Variants in CACNB2 observed in about 807,000 individuals in gnomAD.
CACNB2 encodes the protein calcium voltage-gated channel auxiliary subunit beta 2, also known as voltage-dependent L-type calcium channel subunit beta-2.
CACNB2 carries 42 observed loss-of-function variants against 73.3 expected under a neutral mutation model. The ratio of observed to expected loss-of-function variants is 0.57; its 90% confidence interval spans 0.45 to 0.74. The LOEUF is 0.74. CACNB2 is among the 30% of genes least tolerant of loss of function. The pLI is 0.00. For synonymous variants in CACNB2, 348 were observed against 310.3 expected (o/e 1.12, Z -1.28); for missense variants, 940 against 853.0 (o/e 1.10, Z -1.27).
intron 3 of CACNB2, among the ~76,000 whole-genome samples, chr10:18,471,388 G>T (rs1414457226): frequency 6.6e-6 from 1 of 152,108 alleles, no homozygotes; most frequent in African/African-American, 2.4e-5. Flanking sequence ...TTAAAATTAA[G>T]AAATTATTTG....
intron 2 of CACNB2, among the ~76,000 whole-genome samples, chr10:18,182,518 T>C (rs1021836249): frequency 2.9e-5 from 4 of 136,482 alleles, no homozygotes; most frequent in Non-Finnish European, 6.4e-5. Context: ...AGGAAGAAGA[T>C]TAAAAAAAAA....
At chr10:18,534,610 A>C (rs1359426444) in intron 11 of CACNB2, among the ~76,000 whole-genome samples, 1 of 152,280 alleles carries the variant, frequency 6.6e-6, no homozygotes, top group Non-Finnish European at 1.5e-5. Flanking sequence ...ACCAGCAGTT[A>C]CTGTATTCAC....
intron 2 of CACNB2, among the ~76,000 whole-genome samples, chr10:18,179,663 T>G (rs1364604341): frequency 6.6e-6 from 1 of 152,204 alleles, no homozygotes; most frequent in African/African-American, 2.4e-5. Context: ...CTGTGTGCTT[T>G]AGTTTGGTGT....
chr10:18,529,997 G>A (rs1405527546), intron 10 of CACNB2, among the ~76,000 whole-genome samples: 4 of 152,194 alleles, frequency 2.6e-5, no homozygotes, highest in Non-Finnish European at 2.9e-5. Context: ...TTACATGGCA[G>A]CAGGCAAGAG....
chr10:18,193,222 ATAAAT>A (rs2034481131), intron 2 of CACNB2, among the ~76,000 whole-genome samples: 1 of 151,010 alleles, frequency 6.6e-6, no homozygotes, highest in South Asian at 2.1e-4. Flanking sequence ...GAAATATATA[ATAAAT>A]TATATAATAA....
At chr10:18,174,817 C>T (rs988578532) in intron 2 of CACNB2, among the ~76,000 whole-genome samples, 11 of 152,052 alleles carry the variant, frequency 7.2e-5, no homozygotes, top group Non-Finnish European at 1.0e-4. Flanking sequence ...AAATACAATT[C>T]AGATTTCTAG....
At chr10:18,301,772 C>T (rs1288418709) in intron 2 of CACNB2, among the ~76,000 whole-genome samples, 2 of 151,882 alleles carry the variant, frequency 1.3e-5, no homozygotes, top group African/African-American at 2.4e-5. Flanking sequence ...CCTCAGCCTC[C>T]CGAGTAGCTG....
rs370201485 is a variant in CACNB2, at chr10:18,171,521, G to GAAAAAA, written c.213+20569_213+20574dup. ...TCCCTTCTTCCCGGCTTTGATAGCAGAAAAAAAAAAAAAAAAAAAAAAAAA... is the reference window on the plus strand; with the variant it reads ...TCCCTTCTTCCCGGCTTTGATAGCAGAAAAAAAAAAAAAAAAAAAAAAAAAAAAAAA... On this transcript the variant is annotated intron_variant, in intron 2 of 13. Coordinates refer to ENST00000324631, the MANE Select transcript of CACNB2 (RefSeq NM_201596.3). 1.4e-3 allele frequency among the ~76,000 whole-genome samples: 46 copies of GAAAAAA among 32,588 alleles called. 11 individuals carry two copies. The highest frequency in any genetic ancestry group is 3.6e-3 in the South Asian group (2 of 558). 21.4% of individuals were successfully genotyped at this position (32,588 alleles called of 152,430 possible). A position where few individuals can be genotyped will look rare whatever the true frequency, so the allele number is the denominator to read the frequency against.
chr10:18,280,779 A>G (rs574479081), intron 2 of CACNB2, among the ~76,000 whole-genome samples: 9 of 152,222 alleles, frequency 5.9e-5, no homozygotes, highest in Non-Finnish European at 1.3e-4. Flanking sequence ...TTTCTCTTAC[A>G]AAACAGAAAT....
chr10:18,148,128 G>T (rs1298873881), intron 1 of CACNB2, among the ~76,000 whole-genome samples: 1 of 151,846 alleles, frequency 6.6e-6, no homozygotes, highest in Non-Finnish European at 1.5e-5. Context: ...AGAAATTCCT[G>T]TGGAAATTAG....
intron 3 of CACNB2, among the ~76,000 whole-genome samples, chr10:18,414,109 C>T (rs1382589339): frequency 6.6e-6 from 1 of 152,220 alleles, no homozygotes; most frequent in Admixed American, 6.5e-5. Flanking sequence ...ATATGACTGG[C>T]ATTGACACAC....
chr10:18,201,993 T>A (rs1277759), intron 2 of CACNB2, among the ~76,000 whole-genome samples: 2 of 151,826 alleles, frequency 1.3e-5, no homozygotes, highest in African/African-American at 4.8e-5. Context: ...TCTTTCATTA[T>A]GTAGCCAGGA....
At chr10:18,506,588 C>A in intron 6 of CACNB2, 41 bp downstream of exon 6, 1 of 1,196,756 alleles carries the variant, frequency 8.4e-7, no homozygotes, top group Non-Finnish European at 1.2e-6. Context: ...TACTGCATTT[C>A]ATGCTTTCCC....
intron 2 of CACNB2, among the ~76,000 whole-genome samples, chr10:18,189,212 A>T (rs78903615): frequency 0.015 from 2,305 of 152,236 alleles, 52 homozygotes; most frequent in African/African-American, 0.052. Context: ...CTAATTTCAT[A>T]ATTTCAGTTG....
chr10:18,257,376 CCTA>C (rs1406376248), intron 2 of CACNB2: 1 of 152,130 alleles, frequency 6.6e-6, no homozygotes, highest in Non-Finnish European at 1.5e-5. Flanking sequence ...CTTTGTGATA[CCTA>C]CTATGTTTCA....
At chr10:18,174,866 G>A (rs2033487760) in intron 2 of CACNB2, among the ~76,000 whole-genome samples, 1 of 152,038 alleles carries the variant, frequency 6.6e-6, no homozygotes, top group African/African-American at 2.4e-5. Flanking sequence ...TAAAAAAAAT[G>A]TTTAAAATAC....
chr10:18,383,373 G>C (rs1259111333), intron 2 of CACNB2, among the ~76,000 whole-genome samples: 2 of 152,170 alleles, frequency 1.3e-5, no homozygotes, highest in South Asian at 4.1e-4. Flanking sequence ...AGCAGAAGTG[G>C]GTATAAGCAG....
chr10:18,521,885 A>C (rs1471888184), intron 9 of CACNB2, among the ~76,000 whole-genome samples: 5 of 152,162 alleles, frequency 3.3e-5, no homozygotes, highest in Admixed American at 6.6e-5. Flanking sequence ...ACTACAATAG[A>C]TCAGGAGTCC....
At chr10:18,450,112 G>C (rs2046943801) in intron 3 of CACNB2, among the ~76,000 whole-genome samples, 1 of 152,194 alleles carries the variant, frequency 6.6e-6, no homozygotes, top group Non-Finnish European at 1.5e-5. Context: ...TGAGAAGTCT[G>C]TAAAGCCCAA....
Sources: gnomAD v4.1 joint callset for allele counts (sites outside exome capture counted in the v4.1 genomes callset) on GRCh38, gnomAD v4.1.1 for gene constraint, MANE v1.5 for transcripts, NCBI Gene and HGNC (gene_info 2026-07-23, HGNC 2026-07-21) for gene names.